Variants in DNMBP observed in about 807,000 individuals in gnomAD.
DNMBP encodes the protein dynamin-binding protein.
DNMBP carries 87 observed loss-of-function variants against 150.0 expected under a neutral mutation model. The observed-to-expected ratio is 0.58, with a 90% confidence interval of 0.49 to 0.69. The LOEUF (loss-of-function observed/expected upper bound fraction) is 0.69. Among genes scored for constraint, DNMBP ranks in the 30% least tolerant of loss-of-function variants. DNMBP has a pLI of 0.00. For missense variants in DNMBP, 1,774 were observed against 1,949.0 expected (o/e 0.91, Z 1.69); for synonymous variants, 711 against 750.4 (o/e 0.95, Z 0.86).
chr10:99,984,192 T>A (rs1445054811), intron 1 of DNMBP, among the ~76,000 whole-genome samples: 3 of 152,084 alleles, frequency 2.0e-5, no homozygotes, highest in African/African-American at 7.2e-5. Context: ...TGGAGGGAGG[T>A]CCCAAGATTA....
intron 3 of DNMBP, among the ~76,000 whole-genome samples, chr10:99,964,891 T>A (rs569740192): frequency 8.5e-4 from 126 of 147,710 alleles, no homozygotes; most frequent in African/African-American, 9.9e-4. Flanking sequence ...AAAAAATATA[T>A]ATATATATAT....
chr10:99,968,626 T>TCA (rs1250537474), intron 3 of DNMBP, among the ~76,000 whole-genome samples: 1 of 150,166 alleles, frequency 6.7e-6, no homozygotes, highest in East Asian at 2.0e-4. Flanking sequence ...AGGCAGAGGT[T>TCA]GCAGTGAGCT....
intron 11 of DNMBP, among the ~76,000 whole-genome samples, chr10:99,893,011 T>C (rs1047235757): frequency 6.6e-6 from 1 of 152,174 alleles, no homozygotes; most frequent in Non-Finnish European, 1.5e-5. Context: ...TGCCAGAATA[T>C]AGGTAAGTCA....
chr10:99,895,121 G>GTTT, intron 10 of DNMBP, 71 bp from the exon 11 acceptor site: 18 of 632,748 alleles, frequency 2.8e-5, no homozygotes, highest in South Asian at 1.9e-4. Context: ...AAAGTAGCTT[G>GTTT]CTTTTTTTTT....
chr10:99,891,054 C>T (rs1446604074), intron 11 of DNMBP, among the ~76,000 whole-genome samples: 1 of 148,974 alleles, frequency 6.7e-6, no homozygotes, highest in Non-Finnish European at 1.5e-5. Context: ...TGCTTCAAAC[C>T]TGATTTACTA....
intron 1 of DNMBP, among the ~76,000 whole-genome samples, chr10:99,992,526 GTTT>G: frequency 7.7e-6 from 1 of 129,602 alleles, no homozygotes; most frequent in Non-Finnish European, 1.6e-5. Flanking sequence ...GAATCTAGGA[GTTT>G]TTTTTTTTTT....
At chr10:99,880,943 A>T (rs1040005121) in intron 15 of DNMBP, among the ~76,000 whole-genome samples, 2 of 152,130 alleles carry the variant, frequency 1.3e-5, no homozygotes, top group African/African-American at 4.8e-5. Flanking sequence ...AAAACAAAAC[A>T]AACTGGGTAC....
intron 4 of DNMBP, among the ~76,000 whole-genome samples, chr10:99,926,245 T>A (rs748606226): frequency 3.3e-5 from 5 of 152,188 alleles, no homozygotes; most frequent in Non-Finnish European, 7.3e-5. Context: ...TACTTATAAC[T>A]ACCAAAAACA....
At chr10:99,909,863 T>C (rs1350017091) in intron 4 of DNMBP, among the ~76,000 whole-genome samples, 3 of 152,226 alleles carry the variant, frequency 2.0e-5, no homozygotes, top group Non-Finnish European at 4.4e-5. Flanking sequence ...CTAAACTGCA[T>C]TATTCTAAAA....
intron 1 of DNMBP, among the ~76,000 whole-genome samples, chr10:99,990,747 G>GTATATACACATATATACACA (rs10531742): frequency 7.3e-6 from 1 of 137,550 alleles, no homozygotes; most frequent in South Asian, 2.3e-4. Context: ...ATATGCACAT[G>GTATATACACATATATACACA]TATATACACA....
intron 4 of DNMBP, among the ~76,000 whole-genome samples, chr10:99,915,196 C>CACATAT (rs2039951259): frequency 7.9e-6 from 1 of 126,932 alleles, no homozygotes; most frequent in Admixed American, 8.4e-5. Flanking sequence ...CACATATACA[C>CACATAT]ACATATACAT....
chr10:99,924,127 C>G (rs1485488198), intron 4 of DNMBP, among the ~76,000 whole-genome samples: 9 of 152,042 alleles, frequency 5.9e-5, no homozygotes, highest in Non-Finnish European at 1.3e-4. Flanking sequence ...GCACTCCAGC[C>G]TGGGCAACAG....
Position 99,956,096 on chromosome 10 carries a change from G to C in DNMBP, c.1378C>G (p.Pro460Ala). Residue 460 changes from proline to alanine, a missense_variant, in exon 4 of 17, where the codon CCT (proline) becomes GCT (alanine). Pro to Ala is a conservative substitution (Grantham distance 27). This residue lies in a region of DNMBP where 1,430 missense variants were observed against 1,492.5 expected (regional missense o/e 0.96). Transcript: ENST00000324109. ...AGCTGGGAATACATTCTTTTGGGAG[G>C]TAGGCTGGCATAGTCTCTAGTCCTT... is the stretch of plus-strand genomic sequence containing the variant. ...EARTRDYASL[P>A]PKRMYSQLKT... 1 of 1,614,212 alleles carries C rather than the reference G, an allele frequency of 6.2e-7. No homozygotes were observed. Among genetic ancestry groups the C allele is most frequent in the East Asian group, 2.2e-5 (1 of 44,884 alleles).
chr10:99,975,642 T>C (rs1321143358), intron 1 of DNMBP, among the ~76,000 whole-genome samples: 1 of 152,134 alleles, frequency 6.6e-6, no homozygotes, highest in Admixed American at 6.5e-5. Flanking sequence ...TTTCTCTAAG[T>C]ATTACCAAAA....
intron 1 of DNMBP, among the ~76,000 whole-genome samples, chr10:99,996,178 T>C (rs1266566044): frequency 2.0e-5 from 3 of 152,240 alleles, no homozygotes; most frequent in Non-Finnish European, 4.4e-5. Context: ...TCACCAAGCC[T>C]GAATCCCACC....
At position 99,996,280 on chromosome 10, in the gene DNMBP, G is replaced by A. The variant is rs150789065; in HGVS notation, c.-11+13558C>T. ...TCACACCTGTAATCTCAGAACTTTG[G>A]GAGGCCAAGGCAGGTGGATCACCTG... On this transcript the variant is annotated intron_variant, in intron 1 of 16. Transcript: ENST00000324109. Among the ~76,000 whole-genome samples, 1,294 of 152,238 alleles carry A rather than the reference G, an allele frequency of 8.5e-3. 19 individuals carry two copies. Among genetic ancestry groups the A allele is most frequent in the Middle Eastern group, 0.044 (13 of 294 alleles).
chr10:99,972,026 T>G lies in DNMBP; in HGVS notation c.99A>C (p.Ala33=). 6.2e-7 allele frequency: 1 copy of G among 1,614,010 alleles called. No homozygotes were observed. Among genetic ancestry groups the G allele is most frequent in the Non-Finnish European group, 8.5e-7 (1 of 1,179,988 alleles). The change falls in exon 2 of 17, where the codon GCA becomes GCC. Residue 33 remains alanine (A), a synonymous_variant. Coordinates refer to ENST00000324109, the MANE Select transcript of DNMBP (RefSeq NM_015221.4). ...LFVGDIIEVL[A]VVDEFWLLGK... ...CTAGAAGCCAAAATTCATCCACCAC[T>G]GCCAGCACCTCAATAATATCTCCCA...
chr10:99,943,401 TTTG>T (rs1312325764), intron 4 of DNMBP, among the ~76,000 whole-genome samples: 2 of 151,984 alleles, frequency 1.3e-5, no homozygotes, highest in Non-Finnish European at 2.9e-5. Context: ...TGTTTGTTTG[TTTG>T]TTTGTTTTTT....
chr10:99,910,359 T>C (rs953608730), intron 4 of DNMBP, among the ~76,000 whole-genome samples: 2 of 152,310 alleles, frequency 1.3e-5, no homozygotes, highest in East Asian at 3.9e-4. Context: ...CTGGCCAACA[T>C]GGCAAGCTTC....
Sources: allele counts gnomAD v4.1 joint callset (sites outside exome capture counted in the v4.1 genomes callset), GRCh38; gene constraint gnomAD v4.1.1; regional missense constraint gnomAD v4.1.1; transcripts MANE v1.5; gene names NCBI Gene and HGNC (gene_info 2026-07-23, HGNC 2026-07-21).